The following ARID4A variants were observed in gnomAD, a reference collection of about 807,000 sequenced individuals.
ARID4A encodes AT-rich interactive domain-containing protein 4A.
Under a neutral mutation model 148.6 loss-of-function variants are expected in ARID4A, and 39 were observed. That is an observed-to-expected ratio of 0.26 (90% CI 0.20 to 0.34). ARID4A has a LOEUF of 0.34. ARID4A is among the 10% of genes least tolerant of loss of function. The pLI is 1.00. For synonymous variants in ARID4A, 475 were observed against 481.2 expected (o/e 0.99, Z 0.17); for missense variants, 1,265 against 1,449.1 (o/e 0.87, Z 2.06).
intron 18 of ARID4A, 77 bp from the exon 19 acceptor site, chr14:58,360,824 G>A: frequency 1.4e-6 from 2 of 1,453,534 alleles, no homozygotes; most frequent in South Asian, 2.5e-5. Flanking sequence ...TTGAGATGTA[G>A]TTTTCTTTGG....
intron 8 of ARID4A, among the ~76,000 whole-genome samples, chr14:58,324,325 G>T (rs958262739): frequency 7.9e-5 from 12 of 152,222 alleles, no homozygotes; most frequent in African/African-American, 2.7e-4. Flanking sequence ...TCCCAGGCTG[G>T]AGTGCAGTGA....
chr14:58,351,461 C>G, intron 16 of ARID4A, 138 bp downstream of exon 16: 1 of 1,163,716 alleles, frequency 8.6e-7, no homozygotes, highest in Non-Finnish European at 1.2e-6. Context: ...AGGTGAGACA[C>G]ATTGTGAAGA....
intron 5 of ARID4A, among the ~76,000 whole-genome samples, chr14:58,311,829 C>A (rs2032055129): frequency 6.6e-6 from 1 of 150,412 alleles, no homozygotes; most frequent in Non-Finnish European, 1.5e-5. Flanking sequence ...GTGAAATAAG[C>A]CAGGCACAGG....
chr14:58,343,799 C>T (rs1456213963), intron 11 of ARID4A, among the ~76,000 whole-genome samples: 1 of 151,316 alleles, frequency 6.6e-6, no homozygotes, highest in Non-Finnish European at 1.5e-5. Flanking sequence ...CATTACACTC[C>T]AGCCTAGGCA....
rs763710803 is a variant in ARID4A at position 58,365,509 on chromosome 14, T to C, written c.3212-9T>C. ...TTTTTTCAACATTCTCTCTTTCCCCTTATTTCAGGTCAGAAGAGGCCAAGT... is the reference window on the plus strand; with the variant it reads ...TTTTTTCAACATTCTCTCTTTCCCCCTATTTCAGGTCAGAAGAGGCCAAGT... On this transcript the variant is annotated splice_polypyrimidine_tract_variant and intron_variant, in intron 20 of 23. Coordinates refer to ENST00000355431, the MANE Select transcript of ARID4A (RefSeq NM_002892.4). 3 of 910,474 alleles carry C rather than the reference T, an allele frequency of 3.3e-6. No homozygotes were observed. The highest frequency in any genetic ancestry group is 3.5e-5 in the African/African-American group (2 of 56,534). 56.4% of individuals were successfully genotyped at this position (910,474 alleles called of 1,614,324 possible). A position where few individuals can be genotyped will look rare whatever the true frequency, so the allele number is the denominator to read the frequency against.
intron 5 of ARID4A, among the ~76,000 whole-genome samples, chr14:58,316,930 C>T (rs898534518): frequency 4.0e-5 from 6 of 150,688 alleles, no homozygotes; most frequent in South Asian, 2.1e-4. Context: ...GCGGTGCTCA[C>T]GCCTGTAATC....
intron 7 of ARID4A, among the ~76,000 whole-genome samples, chr14:58,322,485 A>G (rs1302222174): frequency 6.6e-6 from 1 of 152,208 alleles, no homozygotes; most frequent in East Asian, 1.9e-4. Context: ...AGGAAAGATC[A>G]GTAGATGCAG....
intron 23 of ARID4A, among the ~76,000 whole-genome samples, chr14:58,370,389 C>T (rs1419022593): frequency 1.3e-5 from 2 of 152,030 alleles, no homozygotes; most frequent in Admixed American, 6.6e-5. Flanking sequence ...CTCCGCCTCC[C>T]GGGTTCAAGC....
chr14:58,298,944 G>A (rs962335465), intron 1 of ARID4A, among the ~76,000 whole-genome samples: 2 of 152,212 alleles, frequency 1.3e-5, no homozygotes, highest in Non-Finnish European at 2.9e-5. Flanking sequence ...GAAAATGGCT[G>A]TGGGGCTGGC....
At chr14:58,333,491 A>T (rs1181594120) in intron 11 of ARID4A, among the ~76,000 whole-genome samples, 1 of 152,112 alleles carries the variant, frequency 6.6e-6, no homozygotes, top group Non-Finnish European at 1.5e-5. Flanking sequence ...ATTTTGGCTT[A>T]TAATAAGTAG....
At chr14:58,363,018 T>G (rs924850850) in intron 19 of ARID4A, among the ~76,000 whole-genome samples, 1 of 152,214 alleles carries the variant, frequency 6.6e-6, no homozygotes, top group Non-Finnish European at 1.5e-5. Context: ...TGACAAATGT[T>G]TAAGATGTCC....
intron 11 of ARID4A, 46 bp from the exon 12 acceptor site, chr14:58,344,648 CT>C: frequency 7.5e-7 from 1 of 1,340,548 alleles, no homozygotes; most frequent in East Asian, 2.4e-5. Context: ...AGACATGTAT[CT>C]TTTCCAGTTC....
In ARID4A at chr14:58,319,115, A is replaced by G. The variant is rs866051867; in HGVS notation, c.449+310A>G. 2.6e-5 allele frequency among the ~76,000 whole-genome samples: 4 copies of G among 152,308 alleles called. No homozygotes were observed. In the Middle Eastern group the frequency reaches 0.01, roughly 389 times the overall value. On this transcript the variant is annotated intron_variant, in intron 7 of 23. Coordinates refer to ENST00000355431, the MANE Select transcript of ARID4A (RefSeq NM_002892.4). ...CGCTCTGTTGCCCAGGCTGGAGTGC[A>G]GTGGTGCAATCTCGGCTCACTGCAA...
chr14:58,369,547 A>G (rs2035509929), intron 23 of ARID4A, among the ~76,000 whole-genome samples: 1 of 147,858 alleles, frequency 6.8e-6, no homozygotes, highest in African/African-American at 2.5e-5. Flanking sequence ...GATCACTTGA[A>G]CCCGGAAGTG....
chr14:58,311,908 G>A (rs866223369), intron 5 of ARID4A, among the ~76,000 whole-genome samples: 5 of 151,614 alleles, frequency 3.3e-5, no homozygotes, highest in Middle Eastern at 3.4e-3. Context: ...TTGGTTATCA[G>A]GGGTGGGGGC....
At chr14:58,357,689 A>G (rs2034947454) in intron 17 of ARID4A, among the ~76,000 whole-genome samples, 2 of 145,228 alleles carry the variant, frequency 1.4e-5, no homozygotes, top group Non-Finnish European at 3.0e-5. Context: ...TTCTTCTTCC[A>G]TTGTGGCCCA....
chr14:58,336,013 T>A (rs1248000487), intron 11 of ARID4A, among the ~76,000 whole-genome samples: 1 of 152,068 alleles, frequency 6.6e-6, no homozygotes, highest in East Asian at 1.9e-4. Context: ...CTACAGTAGT[T>A]GTTTGTTTTT....
Position 58,372,404 on chromosome 14 carries a change from C to T in ARID4A, c.*415C>T, listed in dbSNP as rs2035651275. The stretch of plus-strand genomic sequence containing the variant: ...ACTTTCACTAAGATGTATTTGAACA[C>T]TTGGTGAGTAGGGGGTTTATGTTGT... On this transcript the variant is annotated 3_prime_UTR_variant, in exon 24 of 24. Coordinates refer to ENST00000355431, the MANE Select transcript of ARID4A (RefSeq NM_002892.4). 8.3e-6 allele frequency: 2 copies of T among 242,026 alleles called. No individual in the cohort carries two copies. The highest frequency in any genetic ancestry group is 1.2e-4 in the East Asian group (2 of 16,358). 15.0% of individuals were successfully genotyped at this position (242,026 alleles called of 1,614,324 possible). A position where few individuals can be genotyped will look rare whatever the true frequency, so the allele number is the denominator to read the frequency against.
chr14:58,373,533 T>C lies in ARID4A; in HGVS notation c.*1544T>C. The C allele has an allele frequency of 5.6e-6, 1 of 177,690 alleles. No individual in the cohort carries two copies. The highest frequency in any genetic ancestry group is 9.4e-5 in the East Asian group (1 of 10,624). The allele number at this position is 177,690 out of a possible 1,614,324, so 11.0% of individuals were successfully genotyped here. Reference sequence around the variant, plus strand: ...AACACTAGTGATGGCATAGCATTACTGAAATCATTGTTTCTTAATTTCATT... The same window carrying C: ...AACACTAGTGATGGCATAGCATTACCGAAATCATTGTTTCTTAATTTCATT... On this transcript the variant is annotated 3_prime_UTR_variant, in exon 24 of 24. Transcript: ENST00000355431.
Sources: allele counts gnomAD v4.1 joint callset (sites outside exome capture counted in the v4.1 genomes callset), GRCh38; gene constraint gnomAD v4.1.1; transcripts MANE v1.5; gene names NCBI Gene and HGNC (gene_info 2026-07-23, HGNC 2026-07-21).